The following PKN2 variants were observed in gnomAD, a reference collection of about 807,000 sequenced individuals.
PKN2 encodes the protein serine/threonine-protein kinase N2.
PKN2 carries 38 observed loss-of-function variants against 119.1 expected under a neutral mutation model. The ratio of observed to expected loss-of-function variants is 0.32; its 90% CI spans 0.25 to 0.42. PKN2 has a LOEUF of 0.42. Ranked by LOEUF, PKN2 falls within the 10% of genes least tolerant of loss-of-function variation. The pLI is 1.00. For synonymous variants in PKN2, 390 were observed against 384.9 expected, an observed-to-expected ratio of 1.01 and a Z score of -0.15; for missense variants, 850 against 1,165.1, an observed-to-expected ratio of 0.73 and a Z score of 3.94.
intron 1 of PKN2, among the ~76,000 whole-genome samples, chr1:88,738,885 G>T (rs1368123871): frequency 2.0e-5 from 3 of 152,176 alleles, no homozygotes; most frequent in African/African-American, 7.2e-5. Flanking sequence ...TTTGACAATA[G>T]ACATGTGCTA....
At chr1:88,791,292 C>T (rs1008018067) in intron 8 of PKN2, among the ~76,000 whole-genome samples, 10 of 151,966 alleles carry the variant, frequency 6.6e-5, no homozygotes, top group African/African-American at 1.5e-4. Context: ...AAAAGTTAGC[C>T]GGGCATGGTG....
At chr1:88,811,492 G>A (rs1216313863) in intron 15 of PKN2, among the ~76,000 whole-genome samples, 4 of 152,188 alleles carry the variant, frequency 2.6e-5, no homozygotes, top group Admixed American at 1.3e-4. Flanking sequence ...TGGCTAGATA[G>A]AGTTGAGGTT....
rs543568448 is a variant in PKN2, at chr1:88,745,486, A to G, written c.349+4198A>G. ...TATATACTAACTATATAATATCTGA[A>G]TAAAATTAAGAAAACAATCTCATTA... is the stretch of plus-strand genomic sequence containing the variant. On this transcript the variant is annotated intron_variant, in intron 2 of 21. Coordinates refer to ENST00000370521, the MANE Select transcript of PKN2 (RefSeq NM_006256.4). Among the ~76,000 whole-genome samples the G allele has an allele frequency of 3.3e-5, 5 of 152,298 alleles. No homozygotes were observed. In the South Asian group the frequency reaches 1.0e-3, roughly 32 times the overall value.
intron 6 of PKN2, among the ~76,000 whole-genome samples, chr1:88,774,600 C>A (rs1196532826): frequency 6.6e-6 from 1 of 151,548 alleles, no homozygotes. Context: ...AACAAAAGGG[C>A]TTATTTCTGT....
chr1:88,823,139 G>A (rs1482306158), intron 17 of PKN2, among the ~76,000 whole-genome samples: 1 of 152,172 alleles, frequency 6.6e-6, no homozygotes, highest in Non-Finnish European at 1.5e-5. Context: ...GGAATTCCTT[G>A]AGCCTGGGAG....
At chr1:88,698,863 G>T (rs1354054443) in intron 1 of PKN2, among the ~76,000 whole-genome samples, 1 of 152,088 alleles carries the variant, frequency 6.6e-6, no homozygotes, top group African/African-American at 2.4e-5. Flanking sequence ...TTTCCTAAAT[G>T]TGTTAGTTAC....
chr1:88,807,391 A>T lies in PKN2; in HGVS notation c.1882A>T (p.Thr628Ser), dbSNP rs1387655808. The change falls in exon 13 of 22, where the codon ACT (threonine) becomes TCT (serine). Residue 628 changes from threonine to serine, a missense_variant. Physicochemically the swap from Thr to Ser is moderately conservative, Grantham distance 58 (BLOSUM62 1). Around this residue, in one of 9 missense-constraint regions of PKN2, gnomAD observed 216 missense variants for 252.8 expected, o/e 0.85. Coordinates refer to ENST00000370521, the MANE Select transcript of PKN2 (RefSeq NM_006256.4). Reference sequence around the variant, plus strand: ...ATCTCAATCTGAATACAAGCCTGATACTCCTCAGTCAGGCCTAGAATATAG... The same window carrying T: ...ATCTCAATCTGAATACAAGCCTGATTCTCCTCAGTCAGGCCTAGAATATAG... ...PKSQSEYKPD[T>S]PQSGLEYSGI... The T allele has an allele frequency of 1.9e-6, 3 of 1,603,132 alleles. No individual in the cohort carries two copies. The highest frequency in any genetic ancestry group is 2.6e-6 in the Non-Finnish European group (3 of 1,171,084).
chr1:88,780,953 C>T (rs1670313618), intron 6 of PKN2: 1 of 351,686 alleles, frequency 2.8e-6, no homozygotes, highest in Non-Finnish European at 4.0e-6. Context: ...GTTCCTTCTT[C>T]CCCTGTTCCT....
At chr1:88,702,692 G>A (rs190735768) in intron 1 of PKN2, among the ~76,000 whole-genome samples, 1 of 152,272 alleles carries the variant, frequency 6.6e-6, no homozygotes, top group East Asian at 1.9e-4. Context: ...TTTCTAGTAT[G>A]ATGAAAGATA....
chr1:88,796,324 G>A (rs117944760), intron 8 of PKN2, among the ~76,000 whole-genome samples: 1 of 152,200 alleles, frequency 6.6e-6, no homozygotes, highest in East Asian at 1.9e-4. Flanking sequence ...TACTCAGCCT[G>A]TACTGCCTGA....
intron 8 of PKN2, among the ~76,000 whole-genome samples, chr1:88,792,102 C>T (rs927849599): frequency 3.9e-5 from 6 of 152,112 alleles, no homozygotes; most frequent in African/African-American, 2.4e-5. Flanking sequence ...CAGATTCCAC[C>T]GCTGTTAAAA....
intron 7 of PKN2, among the ~76,000 whole-genome samples, 195 bp from the exon 8 acceptor site, chr1:88,785,909 A>G (rs999880618): frequency 1.3e-5 from 2 of 152,312 alleles, no homozygotes; most frequent in Non-Finnish European, 1.5e-5. Flanking sequence ...GTTTTTGTCA[A>G]ACAATTTGGG....
At chr1:88,740,740 CT>C (rs1456336786) in intron 1 of PKN2, among the ~76,000 whole-genome samples, 1 of 151,828 alleles carries the variant, frequency 6.6e-6, no homozygotes, top group African/African-American at 2.4e-5. Context: ...GATGTGTTCA[CT>C]TTATTTTAAT....
At chr1:88,716,606 G>A (rs1667466757) in intron 1 of PKN2, among the ~76,000 whole-genome samples, 1 of 152,114 alleles carries the variant, frequency 6.6e-6, no homozygotes, top group African/African-American at 2.4e-5. Flanking sequence ...TCAGAGACGA[G>A]GACTGCAACC....
At chr1:88,816,327 A>G (rs1022799844) in intron 16 of PKN2, among the ~76,000 whole-genome samples, 18 of 151,294 alleles carry the variant, frequency 1.2e-4, no homozygotes, top group African/African-American at 3.9e-4. Flanking sequence ...GCTCACTACA[A>G]CCTCTGCCAC....
chr1:88,743,277 G>A (rs531098191), intron 2 of PKN2, among the ~76,000 whole-genome samples: 1 of 152,256 alleles, frequency 6.6e-6, no homozygotes, highest in Admixed American at 6.5e-5. Flanking sequence ...TAACAATTGT[G>A]TGTGTGCACC....
chr1:88,804,173 C>G (rs1280181044), intron 8 of PKN2, among the ~76,000 whole-genome samples: 1 of 152,056 alleles, frequency 6.6e-6, no homozygotes, highest in African/African-American at 2.4e-5. Context: ...TGGAAAATGT[C>G]ACAATGTAAG....
At chr1:88,705,719 T>A (rs1285021397) in intron 1 of PKN2, among the ~76,000 whole-genome samples, 1 of 151,942 alleles carries the variant, frequency 6.6e-6, no homozygotes, top group African/African-American at 2.4e-5. Context: ...ATATATATAT[T>A]CTTTCTCCAC....
chr1:88,770,589 T>G (rs1669847652), intron 4 of PKN2, 120 bp downstream of exon 4: 1 of 634,538 alleles, frequency 1.6e-6, no homozygotes, highest in Admixed American at 2.5e-5. Context: ...TTTTTTTTTT[T>G]TTCTTTTTTT....
Sources: gnomAD v4.1 joint callset for allele counts (sites outside exome capture counted in the v4.1 genomes callset) on GRCh38, gnomAD v4.1.1 for gene constraint, gnomAD v4.1.1 regional missense constraint, MANE v1.5 for transcripts, NCBI Gene and HGNC (gene_info 2026-07-23, HGNC 2026-07-21) for gene names.